CNTLN: variants seen among roughly 807,000 people sequenced by gnomAD.
The protein encoded by CNTLN is centlein.
In CNTLN, 212 loss-of-function variants were observed where a neutral mutation model predicts 180.0. The ratio of observed to expected loss-of-function variants is 1.18; its 90% CI spans 1.05 to 1.32. The LOEUF is 1.32. Among genes scored for constraint, CNTLN ranks in the 40% most tolerant of loss-of-function variants. The pLI, the probability that CNTLN is intolerant of heterozygous loss-of-function variation, is 0.00. For synonymous variants in CNTLN, 722 were observed against 563.1 expected (o/e 1.28, Z -3.99); for missense variants, 2,095 against 1,610.9 (o/e 1.30, Z -5.14).
At chr9:17,400,933 C>G (rs1826923688) in intron 15 of CNTLN, among the ~76,000 whole-genome samples, 1 of 152,126 alleles carries the variant, frequency 6.6e-6, no homozygotes, top group African/African-American at 2.4e-5. Context: ...AGATTCCACA[C>G]ACACATAAAA....
At chr9:17,346,347 A>G (rs1177845671) in intron 12 of CNTLN, among the ~76,000 whole-genome samples, 3 of 152,128 alleles carry the variant, frequency 2.0e-5, no homozygotes, top group South Asian at 2.1e-4. Context: ...TCTCACTAGC[A>G]TGAGAACTGC....
chr9:17,413,701 A>G (rs1425151213), intron 16 of CNTLN, among the ~76,000 whole-genome samples: 1 of 152,206 alleles, frequency 6.6e-6, no homozygotes, highest in East Asian at 1.9e-4. Flanking sequence ...TAAAGTAAAA[A>G]TTAGTGAAAA....
chr9:17,490,967 A>C (rs7874426), intron 25 of CNTLN, among the ~76,000 whole-genome samples: 44,933 of 151,842 alleles, frequency 0.3, 7,928 homozygotes, highest in African/African-American at 0.49. Flanking sequence ...TTCAGTTGGC[A>C]CATAAGGAGA....
At chr9:17,450,752 A>C (rs1269125270) in intron 18 of CNTLN, among the ~76,000 whole-genome samples, 1 of 152,144 alleles carries the variant, frequency 6.6e-6, no homozygotes, top group African/African-American at 2.4e-5. Context: ...ATAGTATATA[A>C]ATGAGTGATG....
chr9:17,274,356 A>G (rs1828152764), intron 6 of CNTLN, among the ~76,000 whole-genome samples: 1 of 152,040 alleles, frequency 6.6e-6, no homozygotes, highest in Non-Finnish European at 1.5e-5. Flanking sequence ...TTTTTTAAAG[A>G]TGTTAAAACT....
At chr9:17,524,971 G>C in the CNTLN span, among the ~76,000 whole-genome samples, 1 of 152,134 alleles carries the variant, frequency 6.6e-6, no homozygotes, top group Non-Finnish European at 1.5e-5. Flanking sequence ...ATCAAAATCA[G>C]TTAAGACCAC....
chr9:17,394,065 C>T (rs916769098), intron 14 of CNTLN, among the ~76,000 whole-genome samples: 1 of 152,072 alleles, frequency 6.6e-6, no homozygotes, highest in African/African-American at 2.4e-5. Flanking sequence ...ACTAAAATTA[C>T]ATTTTTCTAA....
chr9:17,334,963 G>C (rs1820905161), intron 10 of CNTLN, among the ~76,000 whole-genome samples: 1 of 149,496 alleles, frequency 6.7e-6, no homozygotes, highest in Non-Finnish European at 1.5e-5. Context: ...AGAGCCAGGA[G>C]AGCTGATGGT....
intron 3 of CNTLN, among the ~76,000 whole-genome samples, chr9:17,231,370 A>C (rs978119928): frequency 9.2e-5 from 14 of 152,244 alleles, no homozygotes; most frequent in African/African-American, 3.4e-4. Context: ...AGCTGTTTGC[A>C]GAAAAACTTT....
intron 25 of CNTLN, among the ~76,000 whole-genome samples, chr9:17,490,080 G>A (rs1306724575): frequency 6.6e-6 from 1 of 152,130 alleles, no homozygotes; most frequent in Non-Finnish European, 1.5e-5. Flanking sequence ...AGTTTAGGGA[G>A]TGGGAGAAAA....
chr9:17,520,479 CA>C, the CNTLN span, among the ~76,000 whole-genome samples: 1 of 152,176 alleles, frequency 6.6e-6, no homozygotes, highest in African/African-American at 2.4e-5. Context: ...CTTAGCTTTT[CA>C]AATCCCATGC....
At chr9:17,378,602 C>A (rs1045279797) in intron 13 of CNTLN, among the ~76,000 whole-genome samples, 2 of 152,000 alleles carry the variant, frequency 1.3e-5, no homozygotes, top group Non-Finnish European at 2.9e-5. Flanking sequence ...TTTATTATTT[C>A]TTTTCTGAGC....
chr9:17,417,943 C>A (rs1198077426), intron 18 of CNTLN, among the ~76,000 whole-genome samples: 1 of 151,904 alleles, frequency 6.6e-6, no homozygotes, highest in East Asian at 1.9e-4. Context: ...CATGGTTCAT[C>A]TGCATTTTAG....
intron 12 of CNTLN, among the ~76,000 whole-genome samples, chr9:17,346,815 A>G (rs2133253158): frequency 6.6e-6 from 1 of 152,324 alleles, no homozygotes; most frequent in African/African-American, 2.4e-5. Flanking sequence ...TTTAAACCCT[A>G]CATTTCTTTT....
chr9:17,266,363 A>C (rs1488981291), intron 5 of CNTLN, among the ~76,000 whole-genome samples: 2 of 152,156 alleles, frequency 1.3e-5, no homozygotes, highest in Non-Finnish European at 2.9e-5. Flanking sequence ...TGAGTTTCTT[A>C]ATCCTGAGTT....
intron 23 of CNTLN, among the ~76,000 whole-genome samples, chr9:17,468,459 C>A (rs1051697478): frequency 6.6e-6 from 1 of 151,364 alleles, no homozygotes; most frequent in Non-Finnish European, 1.5e-5. Context: ...ATGAGTATTA[C>A]CTTCATAAAT....
chr9:17,152,525 CTG>C (rs1318528599), intron 2 of CNTLN, among the ~76,000 whole-genome samples: 2 of 152,082 alleles, frequency 1.3e-5, no homozygotes, highest in Admixed American at 6.6e-5. Context: ...GTCTGAGAGA[CTG>C]TTTATTTTGA....
At chr9:17,211,120 A>C (rs1366661337) in intron 2 of CNTLN, among the ~76,000 whole-genome samples, 29 of 152,140 alleles carry the variant, frequency 1.9e-4, no homozygotes, top group Admixed American at 1.7e-3. Flanking sequence ...TTAGACATGA[A>C]GTCCTTGCCC....
intron 8 of CNTLN, among the ~76,000 whole-genome samples, chr9:17,327,055 G>C (rs1326592763): frequency 6.6e-6 from 1 of 152,092 alleles, no homozygotes; most frequent in Non-Finnish European, 1.5e-5. Flanking sequence ...AATTTAAGAT[G>C]TTAATAATAG....
Sources: gnomAD v4.1 joint callset for allele counts (sites outside exome capture counted in the v4.1 genomes callset) on GRCh38, gnomAD v4.1.1 for gene constraint, MANE v1.5 for transcripts, NCBI Gene and HGNC (gene_info 2026-07-23, HGNC 2026-07-21) for gene names.